The following TBCE variants were observed in gnomAD, a reference collection of about 807,000 sequenced individuals.
TBCE encodes tubulin folding cofactor E.
TBCE carries 53 observed loss-of-function variants against 77.0 expected under a neutral mutation model. The observed-to-expected ratio is 0.69, with a 90% CI of 0.55 to 0.87. The LOEUF is 0.87. Ranked by LOEUF, TBCE falls within the 40% of genes least tolerant of loss-of-function variation. The pLI, the probability that TBCE is intolerant of heterozygous loss-of-function variation, is 0.00. For synonymous variants in TBCE, 235 were observed against 241.3 expected, an observed-to-expected ratio of 0.97 and a Z score of 0.24; for missense variants, 624 against 622.4, an observed-to-expected ratio of 1.00 and a Z score of -0.03.
At chr1:235,412,707 G>T (rs1201385607) in intron 3 of TBCE, among the ~76,000 whole-genome samples, 1 of 152,184 alleles carries the variant, frequency 6.6e-6, no homozygotes, top group Admixed American at 6.5e-5. Context: ...TTTAGAGTCT[G>T]ATCATCACTG....
intron 6 of TBCE, among the ~76,000 whole-genome samples, chr1:235,427,767 A>G (rs1680810191): frequency 6.6e-6 from 1 of 152,044 alleles, no homozygotes; most frequent in Non-Finnish European, 1.5e-5. Flanking sequence ...GCAGTGGCTC[A>G]CTCCTGTAAT....
In TBCE at chr1:235,368,552, C is replaced by CTTTTTTTTTTTTTTTTTTTT. The variant is rs757168655; in HGVS notation, c.-32+1052_-32+1071dup. 1.6e-4 allele frequency among the ~76,000 whole-genome samples: 8 copies of CTTTTTTTTTTTTTTTTTTTT among 49,764 alleles called. 4 individuals are homozygous for CTTTTTTTTTTTTTTTTTTTT. Among genetic ancestry groups the CTTTTTTTTTTTTTTTTTTTT allele is most frequent in the African/African-American group, 3.8e-4 (4 of 10,608 alleles). 32.6% of individuals were successfully genotyped at this position (49,764 alleles called of 152,430 possible). On this transcript the variant is annotated intron_variant, in intron 1 of 16. Transcript: ENST00000642610. ...TTTTTTAATCTAAGTGGACAGCCTGCTTTTTTTTTTTTTTTTTTTTTTTGA... is the reference window on the plus strand; with the variant it reads ...TTTTTTAATCTAAGTGGACAGCCTGCTTTTTTTTTTTTTTTTTTTTTTTTTTTTTTTTTTTTTTTTTTTGA...
At chr1:235,375,520 C>T (rs1252903636) in intron 1 of TBCE, among the ~76,000 whole-genome samples, 2 of 151,908 alleles carry the variant, frequency 1.3e-5, no homozygotes, top group African/African-American at 4.8e-5. Context: ...AAGTGGTTGT[C>T]CTAGCAACAG....
chr1:235,371,882 C>G (rs1005234228), intron 1 of TBCE, among the ~76,000 whole-genome samples: 1 of 152,086 alleles, frequency 6.6e-6, no homozygotes, highest in African/African-American at 2.4e-5. Context: ...CCATGTTGGC[C>G]GGGCTGGTCT....
At chr1:235,448,200 GTAAGT>G in intron 15 of TBCE, 144 bp from the exon 16 acceptor site, 1 of 668,654 alleles carries the variant, frequency 1.5e-6, no homozygotes, top group Non-Finnish European at 2.5e-6. Context: ...ACTTACTTAA[GTAAGT>G]AAGTAAGTCA....
intron 2 of TBCE, among the ~76,000 whole-genome samples, chr1:235,386,248 A>G (rs1677989044): frequency 6.6e-6 from 1 of 151,954 alleles, no homozygotes; most frequent in African/African-American, 2.4e-5. Flanking sequence ...CCTTCATTTC[A>G]ACTTTGGTGA....
At chr1:235,433,710 T>C (rs1681240523) in intron 7 of TBCE, 1 of 158,856 alleles carries the variant, frequency 6.3e-6, no homozygotes. Flanking sequence ...GTCATAAATA[T>C]ATAATGAAAA....
At chr1:235,372,122 T>C (rs1677008019) in intron 1 of TBCE, among the ~76,000 whole-genome samples, 2 of 152,176 alleles carry the variant, frequency 1.3e-5, no homozygotes, top group Admixed American at 6.6e-5. Context: ...CATTGGCCTA[T>C]AGGCGTGCAC....
intron 15 of TBCE, among the ~76,000 whole-genome samples, chr1:235,447,513 C>CAGTT (rs1682449870): frequency 6.6e-6 from 1 of 152,128 alleles, no homozygotes; most frequent in African/African-American, 2.4e-5. Flanking sequence ...ATGTTTAATA[C>CAGTT]AGTTACACAT....
intron 3 of TBCE, among the ~76,000 whole-genome samples, chr1:235,411,069 C>T (rs1679756036): frequency 6.6e-6 from 1 of 152,194 alleles, no homozygotes; most frequent in South Asian, 2.1e-4. Context: ...TTTCCATGAA[C>T]TGGGCAATTG....
chr1:235,369,526 A>C (rs181444373), intron 1 of TBCE, among the ~76,000 whole-genome samples: 32 of 146,188 alleles, frequency 2.2e-4, no homozygotes, highest in Non-Finnish European at 3.8e-4. Context: ...ACAAAAACAA[A>C]AAAAACAAAA....
Position 235,393,894 on chromosome 1 carries a change from G to C in TBCE, c.101-7609G>C, listed in dbSNP as rs12736581. ...ACTGTTGCCTAGGGGAACATCTAAA[G>C]ATTGTATCAAACCAAAGTTCCTGCC... On this transcript the variant is annotated intron_variant, in intron 2 of 16. Transcript: ENST00000642610. Among the ~76,000 whole-genome samples the C allele has an allele frequency of 5.5e-3, 832 of 152,240 alleles. 8 individuals are homozygous for C. The highest frequency in any genetic ancestry group is 0.019 in the African/African-American group (808 of 41,552).
chr1:235,443,839 T>G (rs1226678938), intron 15 of TBCE, among the ~76,000 whole-genome samples: 1 of 152,198 alleles, frequency 6.6e-6, no homozygotes, highest in East Asian at 1.9e-4. Context: ...TACTTTTATT[T>G]GGAAAATAAA....
intron 8 of TBCE, among the ~76,000 whole-genome samples, chr1:235,434,662 G>A (rs1046835176): frequency 2.5e-4 from 38 of 151,216 alleles, no homozygotes; most frequent in African/African-American, 7.5e-4. Flanking sequence ...TCAGCCTCCC[G>A]AGTAGCTGGG....
chr1:235,387,568 TC>T (rs1307218063), intron 2 of TBCE, among the ~76,000 whole-genome samples: 1 of 152,172 alleles, frequency 6.6e-6, no homozygotes, highest in Non-Finnish European at 1.5e-5. Flanking sequence ...GTGCTAGCAA[TC>T]AGTGAGACTC....
intron 5 of TBCE, among the ~76,000 whole-genome samples, chr1:235,422,965 A>G (rs1434277438): frequency 2.6e-5 from 4 of 152,230 alleles, no homozygotes; most frequent in African/African-American, 9.6e-5. Flanking sequence ...AATGTCCCCC[A>G]GGACACGAAG....
chr1:235,450,412 A>G lies in TBCE; in HGVS notation c.*1650A>G, dbSNP rs41308204. 0.015 allele frequency: 23,466 copies of G among 1,522,514 alleles called. 248 individuals are homozygous for G. The highest frequency in any genetic ancestry group is 0.031 in the Middle Eastern group (180 of 5,860). The allele number at this position is 1,522,514 out of a possible 1,614,324, so 94.3% of individuals were successfully genotyped here. On this transcript the variant is annotated 3_prime_UTR_variant, in exon 17 of 17. Coordinates refer to ENST00000642610, the MANE Select transcript of TBCE (RefSeq NM_003193.5). Reference sequence around the variant, plus strand: ...TAAGAGCATCAGAAAGTATGCACGTAGACAGCTTTTATGTATTCTAATGAT... The same window carrying G: ...TAAGAGCATCAGAAAGTATGCACGTGGACAGCTTTTATGTATTCTAATGAT...
intron 2 of TBCE, among the ~76,000 whole-genome samples, chr1:235,392,250 G>A (rs945995321): frequency 6.6e-6 from 1 of 152,026 alleles, no homozygotes; most frequent in Admixed American, 6.6e-5. Context: ...AGCTACTTGG[G>A]AAGCTGAAAT....
At chr1:235,428,810 A>C (rs1010500622) in intron 6 of TBCE, among the ~76,000 whole-genome samples, 1 of 147,058 alleles carries the variant, frequency 6.8e-6, no homozygotes, top group Non-Finnish European at 1.5e-5. Flanking sequence ...CGCCCAACTA[A>C]TTTTTGTGTT....
Sources: allele counts gnomAD v4.1 joint callset (sites outside exome capture counted in the v4.1 genomes callset), GRCh38; gene constraint gnomAD v4.1.1; transcripts MANE v1.5; gene names NCBI Gene and HGNC (gene_info 2026-07-23, HGNC 2026-07-21).